CRTC1: variants seen among roughly 807,000 people sequenced by gnomAD.
The protein encoded by CRTC1 is CREB-regulated transcription coactivator 1.
CRTC1 carries 18 observed loss-of-function variants against 66.1 expected under a neutral mutation model. The observed-to-expected ratio is 0.27, with a 90% CI of 0.19 to 0.40. The LOEUF is 0.40. CRTC1 is among the 10% of genes least tolerant of loss of function. The pLI is 1.00. For synonymous variants in CRTC1, 416 were observed against 398.8 expected, an observed-to-expected ratio of 1.04 and a Z score of -0.51; for missense variants, 669 against 887.9, an observed-to-expected ratio of 0.75 and a Z score of 3.13.
At chr19:18,762,506 CAG>C (rs1568533394) in intron 8 of CRTC1, among the ~76,000 whole-genome samples, 2 of 152,258 alleles carry the variant, frequency 1.3e-5, no homozygotes, top group African/African-American at 2.4e-5. Flanking sequence ...GGAAGGAAGA[CAG>C]AGGCCTTCGC....
intron 13 of CRTC1, among the ~76,000 whole-genome samples, 187 bp downstream of exon 13, chr19:18,776,008 A>G (rs965822680): frequency 1.3e-5 from 2 of 151,944 alleles, no homozygotes. Context: ...GCTTCGGGCC[A>G]GGCCAGGCCA....
At chr19:18,686,798 T>G (rs2052693678) in intron 1 of CRTC1, among the ~76,000 whole-genome samples, 1 of 152,064 alleles carries the variant, frequency 6.6e-6, no homozygotes, top group Admixed American at 6.6e-5. Flanking sequence ...ACACAAAGCA[T>G]TGTTCTCTTT....
intron 1 of CRTC1, among the ~76,000 whole-genome samples, chr19:18,700,102 G>C (rs1160874066): frequency 6.6e-6 from 1 of 152,172 alleles, no homozygotes; most frequent in Non-Finnish European, 1.5e-5. Context: ...CCCCACACTG[G>C]GGAACGTCAC....
chr19:18,731,600 C>T (rs372418344), intron 1 of CRTC1, among the ~76,000 whole-genome samples: 1 of 152,178 alleles, frequency 6.6e-6, no homozygotes, highest in Non-Finnish European at 1.5e-5. Flanking sequence ...ACACAGGACC[C>T]GATTCATCCT....
At chr19:18,759,745 C>T (rs1227746085) in intron 7 of CRTC1, among the ~76,000 whole-genome samples, 154 bp downstream of exon 7, 1 of 152,188 alleles carries the variant, frequency 6.6e-6, no homozygotes, top group African/African-American at 2.4e-5. Flanking sequence ...ATGCCCACCC[C>T]TCAGGCACCT....
At chr19:18,702,753 C>T (rs563549576) in intron 1 of CRTC1, among the ~76,000 whole-genome samples, 72 of 151,258 alleles carry the variant, frequency 4.8e-4, no homozygotes, top group African/African-American at 1.7e-3. Flanking sequence ...AGGCTGGTCT[C>T]GAATTCCCAA....
chr19:18,713,009 G>A (rs886507763), intron 1 of CRTC1, among the ~76,000 whole-genome samples: 4 of 112,080 alleles, frequency 3.6e-5, no homozygotes, highest in East Asian at 2.3e-4. Flanking sequence ...GTTACTCCCC[G>A]TTCCCCTCCC....
At chr19:18,775,271 A>G (rs1383865562) in intron 12 of CRTC1, among the ~76,000 whole-genome samples, 1 of 152,260 alleles carries the variant, frequency 6.6e-6, no homozygotes, top group Non-Finnish European at 1.5e-5. Context: ...ACGCCGGGCC[A>G]GACAGGGATG....
intron 1 of CRTC1, among the ~76,000 whole-genome samples, chr19:18,720,435 C>T (rs545656149): frequency 4.0e-5 from 6 of 151,344 alleles, no homozygotes; most frequent in East Asian, 3.9e-4. Context: ...CTGCAAGCTC[C>T]GCCTTCCGGG....
chr19:18,689,756 T>C (rs1413700228), intron 1 of CRTC1, among the ~76,000 whole-genome samples: 1 of 150,918 alleles, frequency 6.6e-6, no homozygotes, highest in Non-Finnish European at 1.5e-5. Context: ...GAACACGGGT[T>C]GTTTCCACCT....
chr19:18,747,130 C>CCA lies in CRTC1; in HGVS notation c.443+17_443+18insAC. ...GCTGGAGAAGGTCAGTGGCTGGACA[C>CCA]CCCCCCCCCGCCCCCTTCTTGTTGG... On this transcript the variant is annotated intron_variant, in intron 4 of 13. Transcript: ENST00000321949. The CCA allele has an allele frequency of 3.3e-6, 1 of 299,070 alleles. No homozygotes were observed. The highest frequency in any genetic ancestry group is 5.3e-6 in the Non-Finnish European group (1 of 188,886). The allele number at this position is 299,070 out of a possible 1,614,324, so 18.5% of individuals were successfully genotyped here. A position where few individuals can be genotyped will look rare whatever the true frequency, so the allele number is the denominator to read the frequency against.
intron 2 of CRTC1, chr19:18,744,263 T>C: frequency 1.9e-6 from 2 of 1,065,880 alleles, no homozygotes; most frequent in South Asian, 1.6e-5. Flanking sequence ...CGGCCGCCCC[T>C]GCGGCTCCCA....
intron 1 of CRTC1, among the ~76,000 whole-genome samples, chr19:18,696,553 G>A (rs772214625): frequency 1.3e-5 from 2 of 152,182 alleles, no homozygotes; most frequent in Non-Finnish European, 2.9e-5. Context: ...GACGGTGGGA[G>A]GAGGAGCTGG....
At position 18,777,724 on chromosome 19, in the gene CRTC1, T is replaced by G; in HGVS notation, c.*342T>G. ...ATGCGGGAAGTGTCAGCTCCCGGCG[T>G]GGCGGGCAGGCTCAGGGGAGGGGCG... On this transcript the variant is annotated 3_prime_UTR_variant, in exon 14 of 14. Coordinates refer to ENST00000321949, the MANE Select transcript of CRTC1 (RefSeq NM_015321.3). The surrounding 1 kb of genome is among the most constrained non-coding windows in gnomAD (Gnocchi z 5.5). 2.8e-6 allele frequency: 1 copy of G among 358,764 alleles called. No homozygotes were observed. Among genetic ancestry groups the G allele is most frequent in the Non-Finnish European group, 5.1e-6 (1 of 194,876 alleles). The allele number at this position is 358,764 out of a possible 1,614,324, so 22.2% of individuals were successfully genotyped here. A position where few individuals can be genotyped will look rare whatever the true frequency, so the allele number is the denominator to read the frequency against.
At chr19:18,712,801 A>C (rs1226550505) in intron 1 of CRTC1, among the ~76,000 whole-genome samples, 1 of 152,062 alleles carries the variant, frequency 6.6e-6, no homozygotes, top group Non-Finnish European at 1.5e-5. Context: ...CTCTACTAAA[A>C]ATACAAAAAT....
At chr19:18,772,553 G>A (rs538726723) in intron 11 of CRTC1, among the ~76,000 whole-genome samples, 2 of 152,274 alleles carry the variant, frequency 1.3e-5, no homozygotes, top group African/African-American at 2.4e-5. Context: ...TAAAAGAGTC[G>A]CTCCTCCAGG....
At chr19:18,773,235 A>G (rs113656314) in intron 11 of CRTC1, among the ~76,000 whole-genome samples, 1 of 152,000 alleles carries the variant, frequency 6.6e-6, no homozygotes, top group Non-Finnish European at 1.5e-5. Context: ...TTCCCTCTGC[A>G]CTGGGTCTCC....
intron 1 of CRTC1, among the ~76,000 whole-genome samples, chr19:18,708,363 G>C (rs1255045476): frequency 6.6e-6 from 1 of 152,142 alleles, no homozygotes; most frequent in African/African-American, 2.4e-5. Flanking sequence ...GGGAGTTGTG[G>C]GTTCTGGAGG....
At chr19:18,735,810 C>T (rs919628817) in intron 1 of CRTC1, among the ~76,000 whole-genome samples, 1 of 152,228 alleles carries the variant, frequency 6.6e-6, no homozygotes, top group African/African-American at 2.4e-5. Flanking sequence ...CGCACAGTGG[C>T]TCAGGCTGAA....
Sources: gnomAD v4.1 joint callset for allele counts (sites outside exome capture counted in the v4.1 genomes callset) on GRCh38, gnomAD v4.1.1 for gene constraint, Gnocchi (gnomAD v3.1) non-coding constraint, MANE v1.5 for transcripts, NCBI Gene and HGNC (gene_info 2026-07-23, HGNC 2026-07-21) for gene names.